The following RERE variants were observed in gnomAD, a reference collection of about 807,000 sequenced individuals.
RERE encodes the protein arginine-glutamic acid dipeptide repeats protein.
In RERE, 40 loss-of-function variants were observed where a neutral mutation model predicts 146.1. The observed-to-expected ratio is 0.27, with a 90% confidence interval of 0.21 to 0.36. RERE has a LOEUF of 0.36. RERE is among the 10% of genes least tolerant of loss of function. The pLI, the probability that RERE is intolerant of heterozygous loss-of-function variation, is 1.00. For missense variants in RERE, 1,933 were observed against 2,138.7 expected, an observed-to-expected ratio of 0.90 and a Z score of 1.90; for synonymous variants, 1,003 against 866.0, an observed-to-expected ratio of 1.16 and a Z score of -2.78.
chr1:8,392,219 T>C (rs549230177), intron 12 of RERE, among the ~76,000 whole-genome samples: 1 of 152,316 alleles, frequency 6.6e-6, no homozygotes, highest in South Asian at 2.1e-4. Context: ...GCCATGTACA[T>C]GCTCAAGAGG....
At position 8,354,624 on chromosome 1, in the gene RERE, G is replaced by T. The variant is rs1008819359; in HGVS notation, c.*463C>A. The T allele has an allele frequency of 1.4e-5, 2 of 138,874 alleles. No homozygotes were observed. The highest frequency in any genetic ancestry group is 1.9e-4 in the East Asian group (1 of 5,242). 8.6% of individuals were successfully genotyped at this position (138,874 alleles called of 1,614,324 possible). A position where few individuals can be genotyped will look rare whatever the true frequency, so the allele number is the denominator to read the frequency against. ...TTTCCTACAATGTATTAAAATAAAA[G>T]ATTTTTTTTTTTAAAAATTATAGCT... is the stretch of plus-strand genomic sequence containing the variant. On this transcript the variant is annotated 3_prime_UTR_variant, in exon 23 of 23. Transcript: ENST00000400908.
intron 12 of RERE, among the ~76,000 whole-genome samples, chr1:8,383,560 G>T (rs1045264696): frequency 6.6e-6 from 1 of 152,056 alleles, no homozygotes; most frequent in Non-Finnish European, 1.5e-5. Flanking sequence ...ATACACTTAT[G>T]TTACAATTTA....
intron 1 of RERE, among the ~76,000 whole-genome samples, chr1:8,695,053 G>T (rs1639297350): frequency 6.7e-6 from 1 of 149,962 alleles, no homozygotes; most frequent in South Asian, 2.1e-4. Flanking sequence ...AAAACAGGAG[G>T]GTACAGGTAC....
At chr1:8,596,613 T>C (rs1376426264) in intron 4 of RERE, among the ~76,000 whole-genome samples, 1 of 151,884 alleles carries the variant, frequency 6.6e-6, no homozygotes, top group African/African-American at 2.4e-5. Flanking sequence ...GCTCAAGCAA[T>C]TCTCTTGTCT....
At chr1:8,778,607 C>T (rs1480803229) in intron 1 of RERE, among the ~76,000 whole-genome samples, 1 of 152,116 alleles carries the variant, frequency 6.6e-6, no homozygotes, top group Non-Finnish European at 1.5e-5. Flanking sequence ...GAAGCCGAGG[C>T]AGAAGGATCA....
chr1:8,516,948 G>T (rs1645427290), intron 7 of RERE, among the ~76,000 whole-genome samples: 1 of 152,166 alleles, frequency 6.6e-6, no homozygotes, highest in African/African-American at 2.4e-5. Context: ...AGATGGTGGG[G>T]AGAGGGAGGG....
chr1:8,806,321 C>G (rs904633039), intron 1 of RERE, among the ~76,000 whole-genome samples: 1 of 152,074 alleles, frequency 6.6e-6, no homozygotes, highest in Non-Finnish European at 1.5e-5. Flanking sequence ...CACCGGAGGT[C>G]AGGAGTTCAA....
chr1:8,440,373 T>G (rs1644229696), intron 11 of RERE, among the ~76,000 whole-genome samples: 1 of 138,316 alleles, frequency 7.2e-6, no homozygotes, highest in South Asian at 2.3e-4. Flanking sequence ...CAGGCGGACA[T>G]GAGGTTAGGA....
intron 1 of RERE, among the ~76,000 whole-genome samples, chr1:8,674,330 A>G (rs1391289517): frequency 2.0e-5 from 3 of 152,174 alleles, no homozygotes; most frequent in Non-Finnish European, 4.4e-5. Context: ...GAAGGAAAGT[A>G]ATACATACTT....
At chr1:8,773,739 G>A (rs959680944) in intron 1 of RERE, among the ~76,000 whole-genome samples, 13 of 152,122 alleles carry the variant, frequency 8.5e-5, no homozygotes, top group African/African-American at 2.9e-4. Flanking sequence ...CAGGAGAATC[G>A]CTTGAACCTG....
At chr1:8,556,380 TAC>T in intron 6 of RERE, 93 bp downstream of exon 6, 1 of 772,706 alleles carries the variant, frequency 1.3e-6, no homozygotes, top group Non-Finnish European at 2.3e-6. Context: ...GTCTGATTAA[TAC>T]AGTGACTACT....
intron 1 of RERE, among the ~76,000 whole-genome samples, chr1:8,718,370 C>G (rs1259586863): frequency 6.6e-6 from 1 of 152,192 alleles, no homozygotes; most frequent in Admixed American, 6.5e-5. Context: ...AAGCAGGGTG[C>G]CCGTTTCTAC....
At chr1:8,494,029 T>C (rs1366210559) in intron 10 of RERE, among the ~76,000 whole-genome samples, 2 of 152,000 alleles carry the variant, frequency 1.3e-5, no homozygotes, top group East Asian at 1.9e-4. Flanking sequence ...AGACAACTGG[T>C]TTCAGTAATC....
chr1:8,706,224 C>CAGGAGGAT (rs1296716177), intron 1 of RERE, among the ~76,000 whole-genome samples: 3 of 151,050 alleles, frequency 2.0e-5, no homozygotes, highest in Admixed American at 6.6e-5. Flanking sequence ...GAGGCTGAGA[C>CAGGAGGAT]AGGAGGATCC....
chr1:8,760,992 A>G (rs1640746781), intron 1 of RERE, among the ~76,000 whole-genome samples: 1 of 152,172 alleles, frequency 6.6e-6, no homozygotes, highest in African/African-American at 2.4e-5. Flanking sequence ...AAGGAAATGG[A>G]GGCACAAAGA....
In RERE at chr1:8,497,671, G is replaced by C. The variant is rs140413359; in HGVS notation, c.880-142C>G. The C allele has an allele frequency of 1.8e-3, 1,542 of 853,212 alleles. 8 individuals are homozygous for C. The highest frequency in any genetic ancestry group is 1.1e-3 in the Non-Finnish European group (614 of 551,424). 52.9% of individuals were successfully genotyped at this position (853,212 alleles called of 1,614,324 possible). On this transcript the variant is annotated intron_variant, in intron 8 of 22. Coordinates refer to ENST00000400908, the MANE Select transcript of RERE (RefSeq NM_001042681.2). The stretch of plus-strand genomic sequence containing the variant: ...AGCAGAAAAATAACAACAAAACCAT[G>C]AGTCATTTAAACTGACCTATTTCAC...
chr1:8,641,209 G>A (rs933566399), intron 2 of RERE, among the ~76,000 whole-genome samples: 5 of 152,224 alleles, frequency 3.3e-5, no homozygotes, highest in East Asian at 3.9e-4. Context: ...TTTAAATTAC[G>A]TTATCCAACT....
At chr1:8,588,599 A>G (rs570791462) in intron 4 of RERE, among the ~76,000 whole-genome samples, 33 of 152,360 alleles carry the variant, frequency 2.2e-4, no homozygotes, top group African/African-American at 7.9e-4. Context: ...AAGCTGGCCC[A>G]AATTCTGTCA....
chr1:8,485,816 T>G (rs1262006248), intron 10 of RERE, among the ~76,000 whole-genome samples: 2 of 78,034 alleles, frequency 2.6e-5, no homozygotes, highest in African/African-American at 5.4e-5. Context: ...TTTTTTTTTT[T>G]GGAGATGGAG....
Sources: gnomAD v4.1 joint callset for allele counts (sites outside exome capture counted in the v4.1 genomes callset) on GRCh38, gnomAD v4.1.1 for gene constraint, MANE v1.5 for transcripts, NCBI Gene and HGNC (gene_info 2026-07-23, HGNC 2026-07-21) for gene names.